Variants in FBXL17 observed in about 807,000 individuals in gnomAD.
FBXL17 encodes the protein F-box/LRR-repeat protein 17.
A neutral mutation model predicts 66.2 loss-of-function variants in FBXL17; 22 were observed. The observed-to-expected ratio is 0.33, with a 90% CI of 0.24 to 0.47. The LOEUF (loss-of-function observed/expected upper bound fraction) is 0.47, where lower values mean the gene tolerates loss of function less well. Ranked by LOEUF, FBXL17 falls within the 20% of genes least tolerant of loss-of-function variation. The pLI, the probability that FBXL17 is intolerant of heterozygous loss-of-function variation, is 1.00. For synonymous variants in FBXL17, 474 were observed against 400.5 expected (o/e 1.18, Z -2.19); for missense variants, 878 against 948.2 (o/e 0.93, Z 0.97).
intron 5 of FBXL17, among the ~76,000 whole-genome samples, chr5:108,189,287 AGGATGGGATGGGATGGGATGGGATG>A (rs5870302): frequency 0.022 from 2,471 of 112,528 alleles, 47 homozygotes; most frequent in Non-Finnish European, 0.03. Context: ...AAGAATTCAT[AGGATGGGATGGGATGGGATGGGATG>A]GGATGGGATG....
chr5:108,308,736 T>G (rs933392856), intron 4 of FBXL17, among the ~76,000 whole-genome samples: 2 of 152,166 alleles, frequency 1.3e-5, no homozygotes, highest in Admixed American at 6.6e-5. Context: ...ATAAGACAAC[T>G]ATTTTCACTT....
At chr5:108,187,675 A>T (rs907260487) in intron 5 of FBXL17, among the ~76,000 whole-genome samples, 4 of 152,216 alleles carry the variant, frequency 2.6e-5, no homozygotes, top group Non-Finnish European at 5.9e-5. Context: ...TAAGGACCTC[A>T]GACTTACAAC....
intron 7 of FBXL17, among the ~76,000 whole-genome samples, chr5:107,985,479 C>CA (rs146465907): frequency 0.029 from 4,419 of 152,298 alleles, 213 homozygotes; most frequent in African/African-American, 0.095. Flanking sequence ...GAAAGCTTGT[C>CA]AGAGTTTGAT....
At chr5:108,265,666 A>T (rs971868905) in intron 4 of FBXL17, among the ~76,000 whole-genome samples, 41 of 152,184 alleles carry the variant, frequency 2.7e-4, no homozygotes, top group Admixed American at 3.9e-4. Context: ...TAAATATCTT[A>T]AAAATCTCTG....
intron 1 of FBXL17, among the ~76,000 whole-genome samples, chr5:108,370,013 T>A (rs553303062): frequency 2.4e-4 from 37 of 152,228 alleles, no homozygotes; most frequent in African/African-American, 8.9e-4. Flanking sequence ...AGGACACCAA[T>A]GCACCACAGG....
Position 108,347,091 on chromosome 5 carries a change from G to A in FBXL17, c.1506+1308C>T, listed in dbSNP as rs1005193354. Among the ~76,000 whole-genome samples, 8 of 152,254 alleles carry A rather than the reference G, an allele frequency of 5.3e-5. No homozygotes were observed. In the South Asian group the frequency reaches 8.3e-4, roughly 16 times the overall value. ...TTGCTTAATGACAGGAAAATGTTAT[G>A]AGAAATGTGTCATTAGGTAATTTTG... On this transcript the variant is annotated intron_variant, in intron 4 of 8. Transcript: ENST00000542267.
At chr5:108,287,431 A>C (rs1757942245) in intron 4 of FBXL17, among the ~76,000 whole-genome samples, 1 of 152,026 alleles carries the variant, frequency 6.6e-6, no homozygotes, top group African/African-American at 2.4e-5. Context: ...CAAAAAGCAA[A>C]CAATCCCATT....
At chr5:108,126,918 G>GA (rs1208888173) in intron 6 of FBXL17, among the ~76,000 whole-genome samples, 5 of 151,572 alleles carry the variant, frequency 3.3e-5, no homozygotes, top group African/African-American at 9.7e-5. Flanking sequence ...AAAAATAAAA[G>GA]AAAAAATCTC....
intron 6 of FBXL17, among the ~76,000 whole-genome samples, chr5:108,163,656 C>T (rs1261620238): frequency 6.6e-6 from 1 of 152,114 alleles, no homozygotes; most frequent in African/African-American, 2.4e-5. Flanking sequence ...CCATCTAGGC[C>T]TCCCAAAGTG....
rs546413132 is a variant in FBXL17 at position 108,142,316 on chromosome 5, T to C, written c.1745+43801A>G. Among the ~76,000 whole-genome samples, 22 of 152,334 alleles carry C rather than the reference T, an allele frequency of 1.4e-4. No individual in the cohort carries two copies. In the East Asian group the frequency reaches 3.9e-3, roughly 27 times the overall value. ...TAATCTTTTTTGCAAATAGTAATTT[T>C]TTTCAAAGACTGTTTTGGTACTTTT... is the stretch of plus-strand genomic sequence containing the variant. On this transcript the variant is annotated intron_variant, in intron 6 of 8. Coordinates refer to ENST00000542267, the MANE Select transcript of FBXL17 (RefSeq NM_001163315.3).
At chr5:108,363,462 T>A (rs1748472377) in intron 3 of FBXL17, among the ~76,000 whole-genome samples, 1 of 151,968 alleles carries the variant, frequency 6.6e-6, no homozygotes, top group South Asian at 2.1e-4. Flanking sequence ...TTTTGCTACT[T>A]TTATCAGAAT....
intron 7 of FBXL17, among the ~76,000 whole-genome samples, chr5:107,997,586 T>C (rs1032238975): frequency 6.6e-6 from 1 of 152,194 alleles, no homozygotes; most frequent in Admixed American, 6.5e-5. Flanking sequence ...ATACTGCAGG[T>C]TTCATTACAA....
At chr5:107,992,503 C>T (rs1392419639) in intron 7 of FBXL17, among the ~76,000 whole-genome samples, 2 of 152,146 alleles carry the variant, frequency 1.3e-5, no homozygotes, top group Non-Finnish European at 2.9e-5. Context: ...ATGTGAAAAA[C>T]ACTGCCATTA....
chr5:107,956,736 C>CT (rs994945758), intron 7 of FBXL17, among the ~76,000 whole-genome samples: 4 of 152,112 alleles, frequency 2.6e-5, no homozygotes, highest in African/African-American at 7.2e-5. Context: ...ATAAAAGAAA[C>CT]TGACTACTCT....
At chr5:108,052,609 G>C (rs1747528283) in intron 6 of FBXL17, among the ~76,000 whole-genome samples, 1 of 152,122 alleles carries the variant, frequency 6.6e-6, no homozygotes, top group Non-Finnish European at 1.5e-5. Flanking sequence ...ATATCATGAA[G>C]TGGCCATACT....
At chr5:107,880,688 C>T (rs1186547965) in intron 8 of FBXL17, 2 of 1,238,604 alleles carry the variant, frequency 1.6e-6, no homozygotes, top group Admixed American at 3.9e-5. Flanking sequence ...ACCCAGAATA[C>T]AATTTTACGG....
At position 107,863,556 on chromosome 5, in the gene FBXL17, AAT is replaced by A. The variant is rs1433018844; in HGVS notation, c.1966-1698_1966-1697del. Among the ~76,000 whole-genome samples the A allele has an allele frequency of 2.1e-5, 3 of 141,924 alleles. 1 individual carries two copies. The highest frequency in any genetic ancestry group is 4.9e-5 in the Non-Finnish European group (3 of 61,838). 93.1% of individuals were successfully genotyped at this position (141,924 alleles called of 152,430 possible). ...AGTATTCCAGATCATTCACTCTTTC[AAT>A]ACTCCCTACTTTTCCCCCATAGTAC... On this transcript the variant is annotated intron_variant, in intron 8 of 8. Transcript: ENST00000542267.
intron 7 of FBXL17, among the ~76,000 whole-genome samples, chr5:107,893,314 C>A (rs1458011965): frequency 6.6e-6 from 1 of 152,152 alleles, no homozygotes; most frequent in Non-Finnish European, 1.5e-5. Context: ...GCACACTGCT[C>A]ACATGTGCAC....
chr5:108,298,765 A>G (rs1758454325), intron 4 of FBXL17: 1 of 759,550 alleles, frequency 1.3e-6, no homozygotes, highest in South Asian at 6.0e-5. Context: ...TTTATTCACT[A>G]TTCTTAACCA....
Sources: gnomAD v4.1 joint callset for allele counts (sites outside exome capture counted in the v4.1 genomes callset) on GRCh38, gnomAD v4.1.1 for gene constraint, MANE v1.5 for transcripts, NCBI Gene and HGNC (gene_info 2026-07-23, HGNC 2026-07-21) for gene names.